Variants in CHST9 observed in about 807,000 individuals in gnomAD.
CHST9 encodes GalNAc-4-sulfotransferase 2.
CHST9 carries 41 observed loss-of-function variants against 44.4 expected under a neutral mutation model. The observed-to-expected ratio is 0.92, with a 90% CI of 0.72 to 1.20. CHST9 has a LOEUF of 1.20. Ranked by LOEUF, CHST9 falls within the 50% of genes most tolerant of loss-of-function variation. The pLI is 0.00. For missense variants in CHST9, 504 were observed against 516.5 expected (o/e 0.98, Z 0.23); for synonymous variants, 171 against 178.4 (o/e 0.96, Z 0.33).
chr18:26,963,502 A>T (rs2056426319), intron 4 of CHST9, among the ~76,000 whole-genome samples: 1 of 152,050 alleles, frequency 6.6e-6, no homozygotes, highest in Non-Finnish European at 1.5e-5. Context: ...CCATCTGTTC[A>T]AATGGAAAAA....
At chr18:27,009,875 T>C (rs982200395) in intron 4 of CHST9, among the ~76,000 whole-genome samples, 1 of 152,192 alleles carries the variant, frequency 6.6e-6, no homozygotes, top group Non-Finnish European at 1.5e-5. Flanking sequence ...ATCATATCCA[T>C]GGTAAATTAT....
chr18:27,159,052 T>A (rs1173551962), intron 1 of CHST9, among the ~76,000 whole-genome samples: 1 of 152,218 alleles, frequency 6.6e-6, no homozygotes, highest in Non-Finnish European at 1.5e-5. Context: ...TCTCCCATTT[T>A]GTAGGTTGCC....
intron 5 of CHST9, among the ~76,000 whole-genome samples, chr18:26,926,028 T>C (rs894623642): frequency 6.6e-6 from 1 of 152,056 alleles, no homozygotes; most frequent in African/African-American, 2.4e-5. Context: ...AAGATAAAAT[T>C]AAGTGGAGGC....
intron 4 of CHST9, among the ~76,000 whole-genome samples, chr18:26,993,141 GTC>G (rs1232499853): frequency 1.3e-5 from 2 of 152,180 alleles, no homozygotes; most frequent in African/African-American, 2.4e-5. Flanking sequence ...GGTTTAACCA[GTC>G]TCTCGTAAAT....
chr18:27,080,460 A>C (rs1252876140), intron 2 of CHST9, among the ~76,000 whole-genome samples: 1 of 151,970 alleles, frequency 6.6e-6, no homozygotes, highest in African/African-American at 2.4e-5. Context: ...GCTTATGTAT[A>C]TCTCTCATTA....
intron 4 of CHST9, among the ~76,000 whole-genome samples, chr18:27,018,302 G>T (rs536992995): frequency 6.6e-6 from 1 of 152,200 alleles, no homozygotes; most frequent in Admixed American, 6.5e-5. Flanking sequence ...AATACTTGCT[G>T]ATCAGCTTAT....
chr18:27,158,667 G>A (rs1272757893), intron 1 of CHST9, among the ~76,000 whole-genome samples: 9 of 152,002 alleles, frequency 5.9e-5, no homozygotes, highest in Non-Finnish European at 1.3e-4. Context: ...CAAGATCCCT[G>A]AGGAATCGCC....
chr18:26,937,927 C>T (rs914686069), intron 5 of CHST9, among the ~76,000 whole-genome samples: 1 of 152,102 alleles, frequency 6.6e-6, no homozygotes, highest in South Asian at 2.1e-4. Flanking sequence ...GATTAAAATC[C>T]TGGTCCTCAC....
At chr18:27,161,026 C>A (rs560424096) in intron 1 of CHST9, among the ~76,000 whole-genome samples, 2 of 151,576 alleles carry the variant, frequency 1.3e-5, no homozygotes, top group Admixed American at 6.6e-5. Flanking sequence ...TCTTGCTAGC[C>A]GTCTATCAAT....
At chr18:27,119,398 C>T (rs1426873) in intron 2 of CHST9, among the ~76,000 whole-genome samples, 47,631 of 151,884 alleles carry the variant, frequency 0.31, 8,134 homozygotes, top group Non-Finnish European at 0.39. Context: ...GATATTGGGA[C>T]CCCAGTTTGT....
intron 4 of CHST9, among the ~76,000 whole-genome samples, chr18:26,987,593 G>A (rs375685713): frequency 6.6e-6 from 1 of 152,106 alleles, no homozygotes. Flanking sequence ...GAAAATGGAA[G>A]TATTATAAAG....
At chr18:27,051,653 A>G (rs374107409) in intron 2 of CHST9, among the ~76,000 whole-genome samples, 40 of 152,190 alleles carry the variant, frequency 2.6e-4, no homozygotes, top group African/African-American at 8.4e-4. Flanking sequence ...TCAAGCCTTC[A>G]GCTGACAGCA....
intron 4 of CHST9, among the ~76,000 whole-genome samples, chr18:26,969,736 G>T (rs1412948382): frequency 6.6e-6 from 1 of 152,170 alleles, no homozygotes; most frequent in Non-Finnish European, 1.5e-5. Context: ...GAGTGAGGGA[G>T]GAGGGAGGTA....
chr18:27,079,257 C>G (rs2057937922), intron 2 of CHST9, among the ~76,000 whole-genome samples: 1 of 152,070 alleles, frequency 6.6e-6, no homozygotes, highest in Non-Finnish European at 1.5e-5. Context: ...AATTATGGAG[C>G]TAGTAAAAGA....
chr18:27,088,784 A>C (rs779100302), intron 2 of CHST9, among the ~76,000 whole-genome samples: 1 of 152,288 alleles, frequency 6.6e-6, no homozygotes, highest in African/African-American at 2.4e-5. Flanking sequence ...ATTTAATGCC[A>C]TCTTCGAGAT....
In CHST9 at chr18:26,916,613, AG is replaced by A; in HGVS notation, c.977del (p.Ser326LeufsTer19). ...GGATAAACTCTTTGAACTTGACTCC[AG>A]ATCCATTAATTAATGCTTCTTCACA... Reference protein sequence around the residue: ...NACEEALINGSGVKFKEFIHY... With the variant: ...NACEEALINGXGVKFKEFIHY... On this transcript the variant is annotated frameshift_variant, in exon 6 of 6. Coordinates refer to ENST00000618847, the MANE Select transcript of CHST9 (RefSeq NM_031422.6). LOFTEE classifies it high-confidence loss of function. The A allele has an allele frequency of 6.2e-7, 1 of 1,613,890 alleles. No individual in the cohort carries two copies.
intron 4 of CHST9, among the ~76,000 whole-genome samples, chr18:26,992,784 A>T (rs923322120): frequency 6.6e-6 from 1 of 152,188 alleles, no homozygotes; most frequent in Non-Finnish European, 1.5e-5. Flanking sequence ...TTCTTGAGCA[A>T]TGCGATGGCA....
At chr18:26,985,493 C>T (rs2056743716) in intron 4 of CHST9, among the ~76,000 whole-genome samples, 1 of 152,188 alleles carries the variant, frequency 6.6e-6, no homozygotes, top group African/African-American at 2.4e-5. Flanking sequence ...AGTTTACCAA[C>T]TTGAGTTCCC....
intron 4 of CHST9, among the ~76,000 whole-genome samples, chr18:26,959,666 G>T (rs1362338600): frequency 6.6e-6 from 1 of 152,182 alleles, no homozygotes; most frequent in Non-Finnish European, 1.5e-5. Context: ...GTAAATGGTT[G>T]CACTGAACTT....
Sources: gnomAD v4.1 joint callset for allele counts (sites outside exome capture counted in the v4.1 genomes callset) on GRCh38, gnomAD v4.1.1 for gene constraint, MANE v1.5 for transcripts, NCBI Gene and HGNC (gene_info 2026-07-23, HGNC 2026-07-21) for gene names.